The following CCDC146 variants were observed in gnomAD, a reference collection of about 807,000 sequenced individuals.
CCDC146 encodes coiled-coil domain-containing protein 146.
In CCDC146, 92 loss-of-function variants were observed where a neutral mutation model predicts 119.3. The ratio of observed to expected loss-of-function variants is 0.77; its 90% CI spans 0.65 to 0.92. CCDC146 has a LOEUF of 0.92. CCDC146 is among the 40% of genes least tolerant of loss of function. CCDC146 has a pLI of 0.00. For synonymous variants in CCDC146, 372 were observed against 371.8 expected (o/e 1.00, Z -0.01); for missense variants, 1,000 against 1,103.0 (o/e 0.91, Z 1.32).
intron 1 of CCDC146, among the ~76,000 whole-genome samples, chr7:77,161,496 A>G (rs1034417571): frequency 6.6e-6 from 1 of 151,964 alleles, no homozygotes; most frequent in African/African-American, 2.4e-5. Context: ...GGGGACATGG[A>G]TGAAATTGGA....
At chr7:77,272,819 A>C (rs1370310714) in intron 9 of CCDC146, among the ~76,000 whole-genome samples, 1 of 152,222 alleles carries the variant, frequency 6.6e-6, no homozygotes, top group Non-Finnish European at 1.5e-5. Context: ...ACGTCAACAC[A>C]GGAGAAAAGT....
At position 77,295,075 on chromosome 7, in the gene CCDC146, A is replaced by G; in HGVS notation, c.*209A>G. The G allele has an allele frequency of 1.9e-6, 1 of 526,292 alleles. No individual in the cohort carries two copies. The highest frequency in any genetic ancestry group is 3.4e-6 in the Non-Finnish European group (1 of 297,694). The allele number at this position is 526,292 out of a possible 1,614,324, so 32.6% of individuals were successfully genotyped here. A position where few individuals can be genotyped will look rare whatever the true frequency, so the allele number is the denominator to read the frequency against. On this transcript the variant is annotated 3_prime_UTR_variant, in exon 19 of 19. Transcript: ENST00000285871. ...TGAATGGGACATAGAACTGTCCTACATTTATGTCAAAGTATATATTTGAAT... is the reference window on the plus strand; with the variant it reads ...TGAATGGGACATAGAACTGTCCTACGTTTATGTCAAAGTATATATTTGAAT...
chr7:77,262,522 T>C (rs1380721724), intron 9 of CCDC146, among the ~76,000 whole-genome samples: 1 of 152,232 alleles, frequency 6.6e-6, no homozygotes, highest in Non-Finnish European at 1.5e-5. Flanking sequence ...AGAAATGTCT[T>C]GTTTGGATCA....
At chr7:77,150,652 T>C (rs1182036296) in intron 1 of CCDC146, among the ~76,000 whole-genome samples, 1 of 152,188 alleles carries the variant, frequency 6.6e-6, no homozygotes, top group Non-Finnish European at 1.5e-5. Flanking sequence ...TTTGGCTGTT[T>C]CCTATAAAAT....
intron 2 of CCDC146, among the ~76,000 whole-genome samples, chr7:77,212,597 G>A (rs1191158518): frequency 3.4e-5 from 5 of 145,036 alleles, no homozygotes; most frequent in African/African-American, 1.3e-4. Context: ...CTCCAGCCTG[G>A]GTGACAGAGC....
At chr7:77,229,203 T>G (rs1463832406) in intron 2 of CCDC146, among the ~76,000 whole-genome samples, 2 of 152,258 alleles carry the variant, frequency 1.3e-5, no homozygotes, top group African/African-American at 2.4e-5. Context: ...TTTACATTCC[T>G]TATAGATGCT....
chr7:77,282,955 G>A (rs1793789770), intron 15 of CCDC146, among the ~76,000 whole-genome samples, 170 bp downstream of exon 15: 1 of 152,212 alleles, frequency 6.6e-6, no homozygotes, highest in Non-Finnish European at 1.5e-5. Flanking sequence ...GATGGAATCT[G>A]TGCTTCAGGC....
Position 77,196,743 on chromosome 7 carries a change from TC to T in CCDC146, c.156+28923del. ...TTGGTCAGAAGATGAATTTTATCGT[TC>T]CCCAGCCAAAATTCCCTTCTGAGGT... is the stretch of plus-strand genomic sequence containing the variant. On this transcript the variant is annotated intron_variant, in intron 2 of 18. Coordinates refer to ENST00000285871, the MANE Select transcript of CCDC146 (RefSeq NM_020879.3). This position sits in a 1 kb window ranked among gnomAD's most constrained non-coding sequence, Gnocchi z 4.2. 6.2e-7 allele frequency: 1 copy of T among 1,614,160 alleles called. No individual in the cohort carries two copies. Among genetic ancestry groups the T allele is most frequent in the South Asian group, 1.1e-5 (1 of 91,084 alleles).
At chr7:77,148,930 A>G (rs933443569) in intron 1 of CCDC146, among the ~76,000 whole-genome samples, 6 of 152,236 alleles carry the variant, frequency 3.9e-5, no homozygotes, top group African/African-American at 1.2e-4. Flanking sequence ...ATTCAATGCT[A>G]TCCCCATCAA....
chr7:77,183,040 C>A (rs544443990), intron 2 of CCDC146, among the ~76,000 whole-genome samples: 5 of 152,252 alleles, frequency 3.3e-5, no homozygotes, highest in African/African-American at 1.2e-4. Context: ...CCTTGGAAAG[C>A]AATATGGCTG....
At chr7:77,146,420 A>G (rs141438534) in intron 1 of CCDC146, among the ~76,000 whole-genome samples, 4 of 151,970 alleles carry the variant, frequency 2.6e-5, no homozygotes, top group Non-Finnish European at 5.9e-5. Flanking sequence ...AACAAGCTTA[A>G]TATTGTTATG....
chr7:77,202,503 A>C (rs1792011436), intron 2 of CCDC146, among the ~76,000 whole-genome samples: 1 of 152,186 alleles, frequency 6.6e-6, no homozygotes, highest in African/African-American at 2.4e-5. Context: ...ATGTGCTTTG[A>C]GAACTGGCTT....
chr7:77,125,290 G>T lies in CCDC146; in HGVS notation c.-12+2558G>T, dbSNP rs1790677664. Among the ~76,000 whole-genome samples, 3 of 150,282 alleles carry T rather than the reference G, an allele frequency of 2.0e-5. No homozygotes were observed. In the South Asian group the frequency reaches 6.2e-4, roughly 31 times the overall value. ...CAACAATTTAAACATATCTTGATAT[G>T]GGAAATAGTCCATATATAAAGTGAA... On this transcript the variant is annotated intron_variant, in intron 1 of 18. Coordinates refer to ENST00000285871, the MANE Select transcript of CCDC146 (RefSeq NM_020879.3).
chr7:77,159,886 G>A (rs1791232547), intron 1 of CCDC146, among the ~76,000 whole-genome samples: 1 of 152,126 alleles, frequency 6.6e-6, no homozygotes, highest in African/African-American at 2.4e-5. Context: ...TTCTTCTAGG[G>A]TTTTTATGGT....
At chr7:77,183,667 G>A (rs1791622841) in intron 2 of CCDC146, among the ~76,000 whole-genome samples, 1 of 152,120 alleles carries the variant, frequency 6.6e-6, no homozygotes, top group South Asian at 2.1e-4. Context: ...TTCTCCTGAA[G>A]CATCTCCCTT....
intron 18 of CCDC146, among the ~76,000 whole-genome samples, chr7:77,294,248 T>G: frequency 6.6e-6 from 1 of 152,170 alleles, no homozygotes; most frequent in East Asian, 1.9e-4. Context: ...AAATAATTAG[T>G]GCTTGATGAC....
chr7:77,159,046 C>G (rs1372502334), intron 1 of CCDC146, among the ~76,000 whole-genome samples: 1 of 152,088 alleles, frequency 6.6e-6, no homozygotes, highest in African/African-American at 2.4e-5. Flanking sequence ...GTATACATCT[C>G]AATGAGTTTG....
intron 1 of CCDC146, among the ~76,000 whole-genome samples, chr7:77,160,688 C>G (rs1213945275): frequency 6.6e-6 from 1 of 152,144 alleles, no homozygotes; most frequent in Admixed American, 6.5e-5. Context: ...ATGGGGTTTT[C>G]TAGATATACA....
intron 5 of CCDC146, 38 bp from the exon 6 acceptor site, chr7:77,256,295 C>G: frequency 6.8e-7 from 1 of 1,465,600 alleles, no homozygotes; most frequent in Non-Finnish European, 9.2e-7. Flanking sequence ...AATGTTTGCT[C>G]AGACTATATA....
Sources: allele counts gnomAD v4.1 joint callset (sites outside exome capture counted in the v4.1 genomes callset), GRCh38; gene constraint gnomAD v4.1.1; non-coding constraint Gnocchi (gnomAD v3.1); transcripts MANE v1.5; gene names NCBI Gene and HGNC (gene_info 2026-07-23, HGNC 2026-07-21).